Variants in KHDC1 observed in about 807,000 individuals in gnomAD.
KHDC1 encodes KH homology domain-containing protein 1.
In KHDC1, 21 loss-of-function variants were observed where a neutral mutation model predicts 24.7. The ratio of observed to expected loss-of-function variants is 0.85; its 90% CI spans 0.60 to 1.23. KHDC1 has a LOEUF of 1.23. Among genes scored for constraint, KHDC1 ranks in the 50% most tolerant of loss-of-function variants. KHDC1 has a pLI of 0.00. For missense variants in KHDC1, 274 were observed against 298.5 expected (o/e 0.92, Z 0.61); for synonymous variants, 98 against 111.7 (o/e 0.88, Z 0.77).
chr6:73,265,638 C>T (rs1582564062), intron 2 of KHDC1, among the ~76,000 whole-genome samples: 1 of 151,738 alleles, frequency 6.6e-6, no homozygotes, highest in Admixed American at 6.6e-5. Flanking sequence ...TTGAGTAAGC[C>T]TTTTTCAGGT....
In KHDC1 at chr6:73,251,828, C is replaced by T. The variant is rs554480380; in HGVS notation, c.207-9298G>A. Among the ~76,000 whole-genome samples the T allele has an allele frequency of 2.7e-3, 378 of 140,510 alleles. 1 individual carries two copies. The highest frequency in any genetic ancestry group is 0.011 in the Middle Eastern group (3 of 272). The allele number at this position is 140,510 out of a possible 152,430, so 92.2% of individuals were successfully genotyped here. A position where few individuals can be genotyped will look rare whatever the true frequency, so the allele number is the denominator to read the frequency against. On this transcript the variant is annotated intron_variant, in intron 2 of 4. Transcript: ENST00000370384. ...TTTTTTTTTTAATGAGACAGGGTGT[C>T]GTTTTGTCCTCCATGCTGGAGTACA...
intron 3 of KHDC1, 68 bp downstream of exon 2, chr6:73,242,337 GA>G: frequency 6.2e-7 from 1 of 1,609,672 alleles, no homozygotes; most frequent in Non-Finnish European, 8.5e-7. Flanking sequence ...ATGAAGGTGG[GA>G]GGGGAGAGGA....
intron 2 of KHDC1, among the ~76,000 whole-genome samples, chr6:73,287,101 T>G (rs893265478): frequency 1.3e-5 from 2 of 152,126 alleles, no homozygotes. Context: ...CGGCAAATAG[T>G]TGGAAAATCC....
chr6:73,246,647 C>A, intron 2 of KHDC1, among the ~76,000 whole-genome samples: 1 of 152,100 alleles, frequency 6.6e-6, no homozygotes, highest in South Asian at 2.1e-4. Context: ...ATATGCCAGT[C>A]TATAAAATAA....
intron 2 of KHDC1, among the ~76,000 whole-genome samples, chr6:73,253,285 G>A (rs1057072948): frequency 6.6e-6 from 1 of 152,184 alleles, no homozygotes; most frequent in African/African-American, 2.4e-5. Context: ...GCCGGGTACG[G>A]TGGCTCACGC....
chr6:73,293,978 C>T (rs2150737852), intron 1 of KHDC1, among the ~76,000 whole-genome samples: 1 of 149,538 alleles, frequency 6.7e-6, no homozygotes, highest in African/African-American at 2.5e-5. Flanking sequence ...TGCACTCCAG[C>T]CTGGGCAACA....
At chr6:73,264,412 A>C (rs1273527212) in intron 2 of KHDC1, among the ~76,000 whole-genome samples, 1 of 152,182 alleles carries the variant, frequency 6.6e-6, no homozygotes, top group Non-Finnish European at 1.5e-5. Context: ...GCTAGTTCAG[A>C]CACAGCCTAG....
chr6:73,255,859 G>A (rs962301158), intron 2 of KHDC1, among the ~76,000 whole-genome samples: 6 of 143,050 alleles, frequency 4.2e-5, no homozygotes, highest in Non-Finnish European at 8.9e-5. Flanking sequence ...CTGAGATCAC[G>A]CCACTGCACT....
rs59935884 is a variant in KHDC1, at chr6:73,259,280, C to CTTTT, written c.207-16754_207-16751dup. ...GCTTTCTGCTGACAAATCCAATATG[C>CTTTT]TTTTTTTTTTTTTTTTTTTTTTTTT... On this transcript the variant is annotated intron_variant, in intron 2 of 4. Coordinates refer to ENST00000370384, the Ensembl canonical transcript of KHDC1. Among the ~76,000 whole-genome samples the CTTTT allele has an allele frequency of 2.3e-3, 167 of 73,258 alleles. 10 individuals are homozygous for CTTTT. Among genetic ancestry groups the CTTTT allele is most frequent in the African/African-American group, 2.5e-3 (39 of 15,746 alleles). 48.1% of individuals were successfully genotyped at this position (73,258 alleles called of 152,430 possible).
chr6:73,297,612 A>T (rs1767780167), intron 1 of KHDC1, among the ~76,000 whole-genome samples: 1 of 152,152 alleles, frequency 6.6e-6, no homozygotes, highest in Non-Finnish European at 1.5e-5. Context: ...GAACCAATTT[A>T]TATACTCACT....
At chr6:73,267,427 G>A (rs368369129) in intron 2 of KHDC1, among the ~76,000 whole-genome samples, 12 of 152,256 alleles carry the variant, frequency 7.9e-5, no homozygotes, top group African/African-American at 2.6e-4. Flanking sequence ...AGGTTGGAGT[G>A]AGCTGAGATC....
chr6:73,254,596 A>C (rs1262237712), intron 2 of KHDC1, among the ~76,000 whole-genome samples: 1 of 152,146 alleles, frequency 6.6e-6, no homozygotes, highest in African/African-American at 2.4e-5. Flanking sequence ...GAGTTAAAAA[A>C]TGGCAAGGTG....
intron 1 of KHDC1, among the ~76,000 whole-genome samples, chr6:73,294,690 T>A (rs1436510658): frequency 6.6e-6 from 1 of 152,230 alleles, no homozygotes; most frequent in Non-Finnish European, 1.5e-5. Context: ...TTAAAGTAAC[T>A]GATATAGTTT....
rs1290318722 is a variant in KHDC1 at position 73,272,862 on chromosome 6, C to CT, written c.206+19135dup. ...TTTTCTTTTCTTTTCTTTTCTTTTT[C>CT]TTTTTTTTTTTTTGGAGATGGAGTC... On this transcript the variant is annotated intron_variant, in intron 2 of 4. Coordinates refer to ENST00000370384, the Ensembl canonical transcript of KHDC1. 2.3e-3 allele frequency among the ~76,000 whole-genome samples: 256 copies of CT among 108,990 alleles called. 2 individuals carry two copies. Among genetic ancestry groups the CT allele is most frequent in the Admixed American group, 3.4e-3 (37 of 10,862 alleles). The allele number at this position is 108,990 out of a possible 152,430, so 71.5% of individuals were successfully genotyped here. A position where few individuals can be genotyped will look rare whatever the true frequency, so the allele number is the denominator to read the frequency against.
intron 2 of KHDC1, among the ~76,000 whole-genome samples, chr6:73,261,078 C>T (rs565494241): frequency 6.6e-6 from 1 of 152,338 alleles, no homozygotes; most frequent in South Asian, 2.1e-4. Flanking sequence ...CTCTTGTCTA[C>T]TCCTACTCAG....
chr6:73,242,479 C>T lies in KHDC1; in HGVS notation c.258G>A (p.Trp86Ter). The T allele has an allele frequency of 6.2e-7, 1 of 1,614,174 alleles. No individual in the cohort carries two copies. Among genetic ancestry groups the T allele is most frequent in the Non-Finnish European group, 8.5e-7 (1 of 1,180,012 alleles). Reference sequence around the variant, plus strand: ...CATGAAAGTTTTGAGGCAGGGTCCACCACGGCTTCTTGCTGAGAGCACTCG... The same window carrying T: ...CATGAAAGTTTTGAGGCAGGGTCCATCACGGCTTCTTGCTGAGAGCACTCG... Residue 86 changes from tryptophan (W) to a stop codon, truncating the protein, a stop_gained, in exon 3 of 5, where the codon TGG becomes TGA. Transcript: ENST00000370384. LOFTEE classifies it high-confidence loss of function.
Position 73,241,816 on chromosome 6 carries a change from G to A in KHDC1, c.515-88C>T. The A allele has an allele frequency of 2.1e-6, 3 of 1,432,424 alleles. No homozygotes were observed. The East Asian group carries it at 7.2e-5, about 34-fold the overall frequency. 88.7% of individuals were successfully genotyped at this position (1,432,424 alleles called of 1,614,324 possible). On this transcript the variant is annotated intron_variant, in intron 4 of 4. Coordinates refer to ENST00000370384, the Ensembl canonical transcript of KHDC1. ...TGGACTCCATCAGGGAGGCTGCAGG[G>A]AGGATGTCACCCCAGCCCAGACCTT...
At chr6:73,308,788 C>T (rs1413925985) in intron 1 of KHDC1, among the ~76,000 whole-genome samples, 1 of 152,096 alleles carries the variant, frequency 6.6e-6, no homozygotes, top group African/African-American at 2.4e-5. Flanking sequence ...AGCCACCGCA[C>T]CCGGTAGAGT....
chr6:73,248,714 C>G (rs888936433), intron 2 of KHDC1, among the ~76,000 whole-genome samples: 8 of 152,100 alleles, frequency 5.3e-5, no homozygotes, highest in Admixed American at 2.6e-4. Context: ...TTGATTCTTT[C>G]GAATGAACAA....
Sources: gnomAD v4.1 joint callset for allele counts (sites outside exome capture counted in the v4.1 genomes callset) on GRCh38, gnomAD v4.1.1 for gene constraint, MANE v1.5 for transcripts, NCBI Gene and HGNC (gene_info 2026-07-23, HGNC 2026-07-21) for gene names.